Variants in ZKSCAN3 observed in about 807,000 individuals in gnomAD.
ZKSCAN3 encodes zinc finger protein with KRAB and SCAN domains 3.
ZKSCAN3 carries 21 observed loss-of-function variants against 30.7 expected under a neutral mutation model. That is an observed-to-expected ratio of 0.68 (90% confidence interval 0.49 to 0.99). The LOEUF (loss-of-function observed/expected upper bound fraction) is 0.99. Ranked by LOEUF, ZKSCAN3 falls within the 50% of genes least tolerant of loss-of-function variation. The probability of loss-of-function intolerance (pLI) is 0.00; values close to 1 mark genes in which losing one functional copy is unlikely to be tolerated. For synonymous variants in ZKSCAN3, 201 were observed against 246.7 expected, an observed-to-expected ratio of 0.81 and a Z score of 1.73; for missense variants, 507 against 647.1, an observed-to-expected ratio of 0.78 and a Z score of 2.35.
At chr6:28,360,753 G>A (rs1284762099) in intron 2 of ZKSCAN3, 4 of 985,418 alleles carry the variant, frequency 4.1e-6, no homozygotes, top group Non-Finnish European at 4.8e-6. Context: ...AAGTCAGTGC[G>A]AGTCTCTTAG....
intron 5 of ZKSCAN3, among the ~76,000 whole-genome samples, chr6:28,365,169 A>T (rs906379307): frequency 6.6e-6 from 1 of 152,084 alleles, no homozygotes; most frequent in Admixed American, 6.6e-5. Flanking sequence ...CATCCCCAGC[A>T]TAGTCCTGGA....
rs1411981063 is a variant in ZKSCAN3, at chr6:28,368,824, A to C, written c.*2539A>C. ...CTACTTATTGTAGAAATATGCTTTCATTATTGCATCTACTCACATTTCTCA... is the reference window on the plus strand; with the variant it reads ...CTACTTATTGTAGAAATATGCTTTCCTTATTGCATCTACTCACATTTCTCA... On this transcript the variant is annotated 3_prime_UTR_variant, in exon 6 of 6. Coordinates refer to ENST00000252211, the MANE Select transcript of ZKSCAN3 (RefSeq NM_024493.4). 6.5e-6 allele frequency: 1 copy of C among 154,642 alleles called. No individual in the cohort carries two copies. The highest frequency in any genetic ancestry group is 1.5e-5 in the Non-Finnish European group (1 of 68,200). 9.6% of individuals were successfully genotyped at this position (154,642 alleles called of 1,614,324 possible). A position where few individuals can be genotyped will look rare whatever the true frequency, so the allele number is the denominator to read the frequency against.
chr6:28,359,630 C>A lies in ZKSCAN3; in HGVS notation c.44C>A (p.Ser15Tyr), dbSNP rs1390675159. 1 of 1,614,252 alleles carries A rather than the reference C, an allele frequency of 6.2e-7. No homozygotes were observed. The highest frequency in any genetic ancestry group is 1.1e-5 in the South Asian group (1 of 91,082). Residue 15 changes from serine to tyrosine, a missense_variant, in exon 2 of 6, where the codon TCT (serine) becomes TAT (tyrosine). Physicochemically the swap from Ser to Tyr is moderately radical, Grantham distance 144. Coordinates refer to ENST00000252211, the MANE Select transcript of ZKSCAN3 (RefSeq NM_024493.4). ...GAAAGCACAGCCCTGGATGCCCAGT[C>A]TACAGAAGACCAGATGGAGCTTCTG... is the stretch of plus-strand genomic sequence containing the variant. The part of the protein sequence containing the change: ...LSESTALDAQ[S>Y]TEDQMELLVI...
chr6:28,358,708 A>AC (rs767507447), intron 1 of ZKSCAN3, among the ~76,000 whole-genome samples: 1 of 151,904 alleles, frequency 6.6e-6, no homozygotes, highest in Non-Finnish European at 1.5e-5. Context: ...ACATGGTGAA[A>AC]CCCCAGCTCT....
chr6:28,355,424 C>A lies in ZKSCAN3; in HGVS notation c.-62-4101C>A, dbSNP rs564806001. 9.8e-5 allele frequency: 15 copies of A among 152,292 alleles called. 1 individual carries two copies. The East Asian group carries it at 2.5e-3, about 25-fold the overall frequency. The allele number at this position is 152,292 out of a possible 1,614,324, so 9.4% of individuals were successfully genotyped here. On this transcript the variant is annotated intron_variant, in intron 1 of 5. Transcript: ENST00000252211. ...ATGCAGTTAGTAACTGCTTCTCTGT[C>A]GAGGAATACTGGAGCTCAGCTCCCT...
chr6:28,356,960 A>G (rs1765472746), intron 1 of ZKSCAN3, among the ~76,000 whole-genome samples: 1 of 152,198 alleles, frequency 6.6e-6, no homozygotes, highest in South Asian at 2.1e-4. Context: ...CTGAGGTCCA[A>G]GGGGAGTGGG....
Position 28,361,331 on chromosome 6 carries a change from G to A in ZKSCAN3, c.410G>A (p.Gly137Asp). 6.2e-7 allele frequency: 1 copy of A among 1,612,400 alleles called. No homozygotes were observed. ...AGAACAAATGATTTCTAGGTTTCAG[G>A]TGTTGACCAGGGGCAAGAACTGCTC... ...QLDEPAPQVS[G>D]VDQGQELLCC... Residue 137 changes from glycine to aspartate, a missense_variant, in exon 3 of 6, where the codon GGT becomes GAT. Gly to Asp is a moderately conservative substitution (Grantham distance 94, BLOSUM62 -1). Coordinates refer to ENST00000252211, the MANE Select transcript of ZKSCAN3 (RefSeq NM_024493.4).
chr6:28,363,815 G>A lies in ZKSCAN3; in HGVS notation c.757G>A (p.Gly253Ser). The A allele has an allele frequency of 6.2e-7, 1 of 1,613,376 alleles. No individual in the cohort carries two copies. Among genetic ancestry groups the A allele is most frequent in the Non-Finnish European group, 8.5e-7 (1 of 1,179,602 alleles). ...GAACCATGGCAGCCTGGTCTCCCTGGGTAAGACTAAAGGACACTAATTTCT... is the reference window on the plus strand; with the variant it reads ...GAACCATGGCAGCCTGGTCTCCCTGAGTAAGACTAAAGGACACTAATTTCT... ...QENHGSLVSL[G>S]DEKQTKSRDL... The change falls in exon 5 of 6, where the codon GGT (glycine) becomes AGT (serine). Residue 253 changes from glycine to serine, a missense_variant and splice_region_variant. Gly to Ser is a moderately conservative substitution (Grantham distance 56). Coordinates refer to ENST00000252211, the MANE Select transcript of ZKSCAN3 (RefSeq NM_024493.4).
Position 28,368,088 on chromosome 6 carries a change from TCTC to T in ZKSCAN3, c.*1806_*1808del, listed in dbSNP as rs1409930444. On this transcript the variant is annotated 3_prime_UTR_variant, in exon 6 of 6. Transcript: ENST00000252211. ...TGTTCCCCTTCCTGTGTCCAAGTGT[TCTC>T]CTTATTCAATTCCCACCTATGAGTG... The T allele has an allele frequency of 7.1e-6, 1 of 141,242 alleles. No individual in the cohort carries two copies. The highest frequency in any genetic ancestry group is 2.6e-5 in the African/African-American group (1 of 38,032). 8.7% of individuals were successfully genotyped at this position (141,242 alleles called of 1,614,324 possible).
chr6:28,361,246 G>T, intron 2 of ZKSCAN3, 78 bp from the exon 3 acceptor site: 1 of 1,468,232 alleles, frequency 6.8e-7, no homozygotes, highest in Non-Finnish European at 9.3e-7. Context: ...TAATGCTCTT[G>T]GAAATAGTGC....
intron 2 of ZKSCAN3, chr6:28,360,410 C>T (rs1765700955): frequency 3.8e-6 from 1 of 260,460 alleles, no homozygotes; most frequent in Non-Finnish European, 6.0e-6. Flanking sequence ...GCTTATGCTA[C>T]ATTGATTTGT....
Position 28,365,637 on chromosome 6 carries a change from TG to T in ZKSCAN3, c.970del (p.Ala324LeufsTer6), listed in dbSNP as rs758747636. 3.1e-6 allele frequency: 5 copies of T among 1,614,268 alleles called. No homozygotes were observed. The South Asian group carries it at 5.5e-5, about 18-fold the overall frequency. The stretch of plus-strand genomic sequence containing the variant: ...TCTGCCATGAATGTGGAAAGAGTTT[TG>T]CTCAAAGCTCAGGCCTGAGTAAACA... ...HICHECGKSF[A>X]QSSGLSKHRR... On this transcript the variant is annotated frameshift_variant, in exon 6 of 6. Coordinates refer to ENST00000252211, the MANE Select transcript of ZKSCAN3 (RefSeq NM_024493.4). LOFTEE classifies it high-confidence loss of function.
At chr6:28,360,081 G>A (rs761835125) in intron 2 of ZKSCAN3, 93 bp downstream of exon 2, 204 of 1,601,520 alleles carry the variant, frequency 1.3e-4, no homozygotes, top group Non-Finnish European at 1.7e-4. Context: ...ACATCCAGGA[G>A]TTCTTCATCT....
chr6:28,364,081 C>T (rs1055026545), intron 5 of ZKSCAN3, among the ~76,000 whole-genome samples: 1 of 152,122 alleles, frequency 6.6e-6, no homozygotes, highest in Admixed American at 6.5e-5. Flanking sequence ...GTGATCCTCT[C>T]ACCACAGCCT....
Position 28,359,721 on chromosome 6 carries a change from C to T in ZKSCAN3, c.135C>T (p.Ser45=), listed in dbSNP as rs772951009. Residue 45 remains serine, a synonymous_variant, in exon 2 of 6, where the codon TCC becomes TCT. Transcript: ENST00000252211. ...GCCCAGATCTGGGTTCTGAGGGCTC[C>T]CGCGAGCGCTTCCGAGGCTTCCGCT... is the stretch of plus-strand genomic sequence containing the variant. ...PSSPDLGSEG[S]RERFRGFRYP... is the part of the protein sequence containing the mutation. The T allele has an allele frequency of 6.8e-6, 11 of 1,614,026 alleles. No individual in the cohort carries two copies. The highest frequency in any genetic ancestry group is 3.3e-5 in the Admixed American group (2 of 60,004).
chr6:28,357,482 T>C (rs1765506336), intron 1 of ZKSCAN3, among the ~76,000 whole-genome samples: 2 of 152,312 alleles, frequency 1.3e-5, no homozygotes, highest in South Asian at 4.1e-4. Flanking sequence ...GAAAGCAAGA[T>C]CCTTGAAGTA....
At position 28,350,084 on chromosome 6, in the gene ZKSCAN3, ATGTG is replaced by A. The variant is rs112636754; in HGVS notation, c.-63+41_-63+44del. The A allele has an allele frequency of 2.7e-5, 4 of 148,676 alleles. No homozygotes were observed. Among genetic ancestry groups the A allele is most frequent in the African/African-American group, 5.0e-5 (2 of 40,224 alleles). The allele number at this position is 148,676 out of a possible 1,614,324, so 9.2% of individuals were successfully genotyped here. ...CGGGTAGAGGTGCGTTTGCAGGAGT[ATGTG>A]TGTGTGTGTGTGTGTGTGTGTGTTT... is the stretch of plus-strand genomic sequence containing the variant. On this transcript the variant is annotated intron_variant, in intron 1 of 5. Transcript: ENST00000252211.
chr6:28,361,241 C>T, intron 2 of ZKSCAN3, 83 bp from the exon 3 acceptor site: 1 of 1,420,988 alleles, frequency 7.0e-7, no homozygotes, highest in South Asian at 1.3e-5. Context: ...ATTTATAATG[C>T]TCTTGGAAAT....
At chr6:28,354,805 T>A (rs1765316161) in intron 1 of ZKSCAN3, among the ~76,000 whole-genome samples, 1 of 152,260 alleles carries the variant, frequency 6.6e-6, no homozygotes, top group African/African-American at 2.4e-5. Context: ...CTCATAGATC[T>A]GGCCACATGG....
Sources: gnomAD v4.1 joint callset for allele counts (sites outside exome capture counted in the v4.1 genomes callset) on GRCh38, gnomAD v4.1.1 for gene constraint, MANE v1.5 for transcripts, NCBI Gene and HGNC (gene_info 2026-07-23, HGNC 2026-07-21) for gene names.